Variants in PKHD1 observed in about 807,000 individuals in gnomAD.
The protein encoded by PKHD1 is PKHD1 ciliary IPT domain containing fibrocystin/polyductin.
PKHD1 carries 291 observed loss-of-function variants against 412.0 expected under a neutral mutation model. The observed-to-expected ratio is 0.71, with a 90% CI of 0.64 to 0.78. PKHD1 has a LOEUF of 0.78. Among genes scored for constraint, PKHD1 ranks in the 30% least tolerant of loss-of-function variants. The probability of loss-of-function intolerance (pLI) is 0.00; values close to 1 mark genes in which losing one functional copy is unlikely to be tolerated. For synonymous variants in PKHD1, 1,777 were observed against 1,821.5 expected, an observed-to-expected ratio of 0.98 and a Z score of 0.62; for missense variants, 4,825 against 4,950.7, an observed-to-expected ratio of 0.97 and a Z score of 0.76.
Position 52,028,146 on chromosome 6 carries a change from G to A in PKHD1, c.3560+10C>T. 1 of 1,612,464 alleles carries A rather than the reference G, an allele frequency of 6.2e-7. No homozygotes were observed. The highest frequency in any genetic ancestry group is 8.5e-7 in the Non-Finnish European group (1 of 1,178,448). On this transcript the variant is annotated intron_variant, in intron 30 of 66. Coordinates refer to ENST00000371117, the MANE Select transcript of PKHD1 (RefSeq NM_138694.4). ...AACAAATCCAAAATTAATGCAAGTG[G>A]TCACCTCACCCTTGTGAGTGAATGC...
chr6:51,851,309 T>C (rs183551776), intron 49 of PKHD1, among the ~76,000 whole-genome samples: 4 of 152,346 alleles, frequency 2.6e-5, no homozygotes, highest in East Asian at 3.9e-4. Flanking sequence ...CAGTATTTTA[T>C]TGAGGATTTT....
intron 35 of PKHD1, among the ~76,000 whole-genome samples, chr6:51,977,726 G>C (rs1186218953): frequency 6.6e-6 from 1 of 152,150 alleles, no homozygotes; most frequent in African/African-American, 2.4e-5. Context: ...AGAACCTATG[G>C]GAGAGCTTAA....
intron 55 of PKHD1, among the ~76,000 whole-genome samples, chr6:51,764,632 T>C (rs921548353): frequency 7.8e-4 from 119 of 151,600 alleles, no homozygotes; most frequent in African/African-American, 2.8e-3. Context: ...TATTGCGGCA[T>C]TATTCACAAT....
At chr6:51,811,229 G>A (rs1764636595) in intron 52 of PKHD1, among the ~76,000 whole-genome samples, 1 of 152,096 alleles carries the variant, frequency 6.6e-6, no homozygotes, top group Admixed American at 6.6e-5. Flanking sequence ...CTCAGCTATA[G>A]GTAGGCTATG....
chr6:52,038,120 G>A (rs533573916), intron 27 of PKHD1, among the ~76,000 whole-genome samples: 8 of 152,250 alleles, frequency 5.3e-5, no homozygotes, highest in South Asian at 2.1e-4. Context: ...AGTGGCTCAC[G>A]CCTGTAATCT....
chr6:51,885,730 G>T, intron 45 of PKHD1, 137 bp downstream of exon 45: 1 of 707,982 alleles, frequency 1.4e-6, no homozygotes, highest in Non-Finnish European at 2.6e-6. Flanking sequence ...TTAAAATTGT[G>T]ACAGCACAGC....
intron 55 of PKHD1, among the ~76,000 whole-genome samples, chr6:51,757,906 G>A (rs1166673845): frequency 6.6e-6 from 1 of 151,896 alleles, no homozygotes; most frequent in Non-Finnish European, 1.5e-5. Context: ...AGCTACTTGG[G>A]AGGCTGAGGT....
intron 11 of PKHD1, 89 bp downstream of exon 11, chr6:52,069,368 T>G: frequency 1.1e-6 from 1 of 912,024 alleles, no homozygotes; most frequent in Non-Finnish European, 1.9e-6. Flanking sequence ...GTGTTAATGG[T>G]CATCAAGAAA....
At chr6:51,761,135 G>A (rs1787937941) in intron 55 of PKHD1, among the ~76,000 whole-genome samples, 1 of 152,064 alleles carries the variant, frequency 6.6e-6, no homozygotes, top group Non-Finnish European at 1.5e-5. Context: ...CATGTTCACA[G>A]CAACATTATT....
At chr6:52,066,348 T>G (rs576963392) in intron 11 of PKHD1, among the ~76,000 whole-genome samples, 3 of 152,288 alleles carry the variant, frequency 2.0e-5, no homozygotes, top group Admixed American at 1.3e-4. Context: ...TACCATGACA[T>G]TTTCTCAGAA....
rs141489784 is a variant in PKHD1 at position 51,883,267 on chromosome 6, G to T, written c.7216-40C>A. 7.0e-4 allele frequency: 1,113 copies of T among 1,595,524 alleles called. 10 individuals are homozygous for T. In the African/African-American group the frequency reaches 8.4e-3, roughly 12 times the overall value. On this transcript the variant is annotated intron_variant, in intron 45 of 66. Coordinates refer to ENST00000371117, the MANE Select transcript of PKHD1 (RefSeq NM_138694.4). ...ATGTTACAGCAAAGGTCTGAGGCTT[G>T]GTTTTTCTTGCGGACTTCCTGTAGC...
chr6:52,023,968 C>A (rs953023299), intron 32 of PKHD1, among the ~76,000 whole-genome samples: 1 of 152,156 alleles, frequency 6.6e-6, no homozygotes, highest in Non-Finnish European at 1.5e-5. Flanking sequence ...TTTTTCCTTA[C>A]TTTCTAAATC....
At position 51,659,159 on chromosome 6, in the gene PKHD1, T is replaced by G; in HGVS notation, c.10967A>C (p.Glu3656Ala). The G allele has an allele frequency of 6.2e-7, 1 of 1,613,828 alleles. No individual in the cohort carries two copies. Among genetic ancestry groups the G allele is most frequent in the Non-Finnish European group, 8.5e-7 (1 of 1,179,822 alleles). The stretch of plus-strand genomic sequence containing the variant: ...AATGACAATCACTTTTGAGATAGTT[T>G]CCACAGTCATTGGGGGTGAAGCCCT... ...SHRASPPMTVETISKVIVIEI... is the reference protein window; with the variant it reads ...SHRASPPMTVATISKVIVIEI... The change falls in exon 61 of 67, where the codon GAA becomes GCA. Residue 3656 changes from glutamate to alanine, a missense_variant. Glu to Ala is a moderately radical substitution (Grantham distance 107). Coordinates refer to ENST00000371117, the MANE Select transcript of PKHD1 (RefSeq NM_138694.4).
intron 53 of PKHD1, 122 bp from the exon 54 acceptor site, chr6:51,776,043 T>A (rs2151161724): frequency 3.2e-6 from 2 of 624,502 alleles, no homozygotes; most frequent in Non-Finnish European, 5.8e-6. Flanking sequence ...TATGGAGGAG[T>A]CAATGGTCAT....
intron 64 of PKHD1, among the ~76,000 whole-genome samples, chr6:51,638,441 T>C (rs1462129475): frequency 6.6e-6 from 1 of 152,156 alleles, no homozygotes; most frequent in East Asian, 1.9e-4. Context: ...AGGATGTTGA[T>C]GGGTATTGTC....
intron 52 of PKHD1, among the ~76,000 whole-genome samples, chr6:51,824,967 A>T (rs1485150335): frequency 6.6e-6 from 1 of 152,180 alleles, no homozygotes; most frequent in Non-Finnish European, 1.5e-5. Flanking sequence ...TAAGCATTAT[A>T]GGTAAAAATA....
chr6:52,017,710 T>A, intron 33 of PKHD1, 81 bp from the exon 34 acceptor site: 2 of 1,016,852 alleles, frequency 2.0e-6, no homozygotes, highest in Non-Finnish European at 3.1e-6. Context: ...GAAGTTCCTG[T>A]GTCCTCCTTT....
In PKHD1 at chr6:52,043,059, A is replaced by G; in HGVS notation, c.2897T>C (p.Val966Ala). ...SGDSQFLQVTVNKTSCKVIFS... is the reference protein window; with the variant it reads ...SGDSQFLQVTANKTSCKVIFS... ...AATAACTTTGCAACTCGTTTTGTTC[A>G]CTGTAACCTGCAAGAACTGGGAGTC... The change falls in exon 27 of 67, where the codon GTG becomes GCG. Residue 966 changes from valine to alanine, a missense_variant. Transcript: ENST00000371117. 1 of 1,613,942 alleles carries G rather than the reference A, an allele frequency of 6.2e-7. No homozygotes were observed. The highest frequency in any genetic ancestry group is 8.5e-7 in the Non-Finnish European group (1 of 1,179,834).
In PKHD1 at chr6:51,659,149, T is replaced by C. The variant is rs2150411868; in HGVS notation, c.10977A>G (p.Ser3659=). The change falls in exon 61 of 67, where the codon TCA becomes TCG. Residue 3659 remains serine, a synonymous_variant. Transcript: ENST00000371117. ...ASPPMTVETI[S]KVIVIEIGDS... The stretch of plus-strand genomic sequence containing the variant: ...CACCAATTTCAATGACAATCACTTT[T>C]GAGATAGTTTCCACAGTCATTGGGG... 1 of 1,613,446 alleles carries C rather than the reference T, an allele frequency of 6.2e-7. No homozygotes were observed. Among genetic ancestry groups the C allele is most frequent in the Non-Finnish European group, 8.5e-7 (1 of 1,179,460 alleles).
Sources: gnomAD v4.1 joint callset for allele counts (sites outside exome capture counted in the v4.1 genomes callset) on GRCh38, gnomAD v4.1.1 for gene constraint, MANE v1.5 for transcripts, NCBI Gene and HGNC (gene_info 2026-07-23, HGNC 2026-07-21) for gene names.